The following MAPKAP1 variants were observed in gnomAD, a reference collection of about 807,000 sequenced individuals.
MAPKAP1 encodes the protein target of rapamycin complex 2 subunit MAPKAP1.
A neutral mutation model predicts 65.7 loss-of-function variants in MAPKAP1; 20 were observed. That is an observed-to-expected ratio of 0.30 (90% CI 0.21 to 0.44). The LOEUF (loss-of-function observed/expected upper bound fraction) is 0.44. Among genes scored for constraint, MAPKAP1 ranks in the 20% least tolerant of loss-of-function variants. The probability of loss-of-function intolerance (pLI) is 1.00; values close to 1 mark genes in which losing one functional copy is unlikely to be tolerated. For synonymous variants in MAPKAP1, 222 were observed against 244.3 expected (o/e 0.91, Z 0.85); for missense variants, 423 against 648.0 (o/e 0.65, Z 3.77).
intron 4 of MAPKAP1, among the ~76,000 whole-genome samples, chr9:125,615,153 T>C (rs1400066250): frequency 6.6e-6 from 1 of 152,112 alleles, no homozygotes; most frequent in East Asian, 1.9e-4. Flanking sequence ...GAAAGTAGAA[T>C]TTAAAAATAT....
rs1008519449 is a variant in MAPKAP1 at position 125,559,636 on chromosome 9, C to T, written c.845G>A (p.Arg282Gln). 5 of 1,611,998 alleles carry T rather than the reference C, an allele frequency of 3.1e-6. No individual in the cohort carries two copies. The African/African-American group carries it at 4.0e-5, about 13-fold the overall frequency. Residue 282 changes from arginine to glutamine, a missense_variant, in exon 6 of 12, where the codon CGA (arginine) becomes CAA (glutamine). Physicochemically the swap from Arg to Gln is conservative, Grantham distance 43. Coordinates refer to ENST00000265960, the MANE Select transcript of MAPKAP1 (RefSeq NM_001006617.3). ...GLTSKESLFV[R>Q]INAAHGFSLI... Reference sequence around the variant, plus strand: ...AAGTAATAGAGTCAGTACTCACATTCGAACAAAGAGTGACTCTTTGGATGT... The same window carrying T: ...AAGTAATAGAGTCAGTACTCACATTTGAACAAAGAGTGACTCTTTGGATGT...
At chr9:125,651,832 G>C (rs1297864076) in intron 4 of MAPKAP1, among the ~76,000 whole-genome samples, 3 of 152,164 alleles carry the variant, frequency 2.0e-5, no homozygotes, top group African/African-American at 7.2e-5. Flanking sequence ...AGTTGAGTAG[G>C]GGTTGGGGGT....
rs553732164 is a variant in MAPKAP1 at position 125,664,233 on chromosome 9, G to C, written c.349+5585C>G. On this transcript the variant is annotated intron_variant, in intron 3 of 11. Coordinates refer to ENST00000265960, the MANE Select transcript of MAPKAP1 (RefSeq NM_001006617.3). ...ATGGTGGCGGGCACCTGTAATCCCA[G>C]CTACTTGGAGGACTGAGGCAGGAGA... Among the ~76,000 whole-genome samples the C allele has an allele frequency of 3.3e-5, 5 of 151,800 alleles. No individual in the cohort carries two copies. The South Asian group carries it at 6.2e-4, about 19-fold the overall frequency.
At chr9:125,619,222 T>C (rs896543533) in intron 4 of MAPKAP1, among the ~76,000 whole-genome samples, 2 of 152,162 alleles carry the variant, frequency 1.3e-5, no homozygotes, top group Non-Finnish European at 2.9e-5. Flanking sequence ...CATCTTGCAA[T>C]TTAAAGAGGG....
intron 1 of MAPKAP1, among the ~76,000 whole-genome samples, chr9:125,685,430 G>A (rs371848398): frequency 2.2e-4 from 33 of 152,294 alleles, no homozygotes; most frequent in Admixed American, 1.5e-3. Context: ...CAAGGAGTCC[G>A]CCAAGGAGCA....
At chr9:125,668,521 G>A (rs1834405316) in intron 3 of MAPKAP1, among the ~76,000 whole-genome samples, 1 of 152,122 alleles carries the variant, frequency 6.6e-6, no homozygotes, top group African/African-American at 2.4e-5. Context: ...GGAGGTGCTG[G>A]GAGGATACAG....
chr9:125,549,267 T>G (rs73667019), intron 6 of MAPKAP1, among the ~76,000 whole-genome samples: 3,092 of 152,326 alleles, frequency 0.02, 111 homozygotes, highest in African/African-American at 0.071. Flanking sequence ...CGAGCAGTTC[T>G]CGAGTCTCTG....
rs1197126123 is a variant in MAPKAP1 at position 125,544,679 on chromosome 9, A to G, written c.849-1511T>C. 3.9e-5 allele frequency among the ~76,000 whole-genome samples: 6 copies of G among 152,242 alleles called. No homozygotes were observed. The East Asian group carries it at 1.2e-3, about 29-fold the overall frequency. ...AAGTTTCCAACTATGGAACATGGGA[A>G]TTGCCACAAGGAGTTTGGTCGCATT... On this transcript the variant is annotated intron_variant, in intron 6 of 11. Coordinates refer to ENST00000265960, the MANE Select transcript of MAPKAP1 (RefSeq NM_001006617.3).
At chr9:125,646,167 C>G (rs972665552) in intron 4 of MAPKAP1, among the ~76,000 whole-genome samples, 2 of 152,172 alleles carry the variant, frequency 1.3e-5, no homozygotes, top group South Asian at 4.2e-4. Flanking sequence ...CACCTCAAAG[C>G]CTTTGGGTGG....
intron 4 of MAPKAP1, among the ~76,000 whole-genome samples, chr9:125,612,913 T>C (rs1050022764): frequency 1.3e-5 from 2 of 152,172 alleles, no homozygotes; most frequent in Non-Finnish European, 2.9e-5. Context: ...GGGTATCTTA[T>C]TACTTTTACC....
At position 125,679,327 on chromosome 9, in the gene MAPKAP1, G is replaced by A. The variant is rs539915047; in HGVS notation, c.-69-6684C>T. Reference sequence around the variant, plus strand: ...GAACACGACTTTTTAAAAGCCTATTGTACTCATTTGTATCTAAGGCCTGAG... The same window carrying A: ...GAACACGACTTTTTAAAAGCCTATTATACTCATTTGTATCTAAGGCCTGAG... On this transcript the variant is annotated intron_variant, in intron 1 of 11. Transcript: ENST00000265960. Among the ~76,000 whole-genome samples the A allele has an allele frequency of 2.0e-5, 3 of 152,176 alleles. No homozygotes were observed. The East Asian group carries it at 5.8e-4, about 29-fold the overall frequency.
intron 10 of MAPKAP1, among the ~76,000 whole-genome samples, chr9:125,452,258 C>T (rs549406906): frequency 1.6e-4 from 24 of 152,068 alleles, no homozygotes; most frequent in African/African-American, 5.3e-4. Flanking sequence ...GCCACCACGC[C>T]GAGCTAATTT....
chr9:125,523,361 A>G (rs1368432909), intron 7 of MAPKAP1, among the ~76,000 whole-genome samples: 1 of 152,156 alleles, frequency 6.6e-6, no homozygotes, highest in Non-Finnish European at 1.5e-5. Flanking sequence ...AGAAAAGAGG[A>G]AAAAAAGAGG....
At chr9:125,530,778 G>C (rs1829911330) in intron 7 of MAPKAP1, among the ~76,000 whole-genome samples, 1 of 152,162 alleles carries the variant, frequency 6.6e-6, no homozygotes, top group African/African-American at 2.4e-5. Context: ...TTAATTCACT[G>C]GAAAACAAAA....
intron 1 of MAPKAP1, among the ~76,000 whole-genome samples, chr9:125,680,482 A>C (rs1834790339): frequency 6.6e-6 from 1 of 152,132 alleles, no homozygotes; most frequent in Admixed American, 6.5e-5. Context: ...TATTTTTTGG[A>C]CTAGCAAAAA....
At chr9:125,565,757 A>C (rs892635616) in intron 5 of MAPKAP1, 9 of 427,348 alleles carry the variant, frequency 2.1e-5, no homozygotes, top group Non-Finnish European at 4.2e-5. Flanking sequence ...AAAAAAAAAA[A>C]AAAAAAAAAG....
At chr9:125,544,449 C>G (rs559638245) in intron 6 of MAPKAP1, among the ~76,000 whole-genome samples, 69 of 152,114 alleles carry the variant, frequency 4.5e-4, no homozygotes, top group African/African-American at 1.6e-3. Flanking sequence ...ATTAATCAAA[C>G]TGGGTGGGGG....
At chr9:125,686,304 T>A (rs1224201066) in intron 1 of MAPKAP1, among the ~76,000 whole-genome samples, 2 of 123,272 alleles carry the variant, frequency 1.6e-5, no homozygotes. Flanking sequence ...AGAATGAGAC[T>A]CTGTCTCAAA....
Position 125,484,599 on chromosome 9 carries a change from C to T in MAPKAP1, c.1067-16G>A. The stretch of plus-strand genomic sequence containing the variant: ...GCCCTTGAACCTGGGGAGGAAAAGG[C>T]AGTTTAACACATAAAGATACATGAG... On this transcript the variant is annotated splice_polypyrimidine_tract_variant and intron_variant, in intron 8 of 11. Coordinates refer to ENST00000265960, the MANE Select transcript of MAPKAP1 (RefSeq NM_001006617.3). 1 of 1,599,418 alleles carries T rather than the reference C, an allele frequency of 6.3e-7. No individual in the cohort carries two copies. Among genetic ancestry groups the T allele is most frequent in the Non-Finnish European group, 8.5e-7 (1 of 1,172,794 alleles).
Sources: gnomAD v4.1 joint callset for allele counts (sites outside exome capture counted in the v4.1 genomes callset) on GRCh38, gnomAD v4.1.1 for gene constraint, MANE v1.5 for transcripts, NCBI Gene and HGNC (gene_info 2026-07-23, HGNC 2026-07-21) for gene names.